Variants in ACTR3C observed in about 807,000 individuals in gnomAD.
The protein encoded by ACTR3C is actin-related protein 3C.
ACTR3C carries 18 observed loss-of-function variants against 26.3 expected under a neutral mutation model. The observed-to-expected ratio is 0.68, with a 90% confidence interval of 0.47 to 1.01. The LOEUF (loss-of-function observed/expected upper bound fraction) is 1.01. Among genes scored for constraint, ACTR3C ranks in the 50% least tolerant of loss-of-function variants. The pLI is 0.00. For synonymous variants in ACTR3C, 55 were observed against 94.5 expected (o/e 0.58, Z 2.42); for missense variants, 184 against 250.7 (o/e 0.73, Z 1.80).
chr7:150,208,469 A>G, the ACTR3C span, among the ~76,000 whole-genome samples: 238 of 152,168 alleles, frequency 1.6e-3, no homozygotes, highest in African/African-American at 5.3e-3. Flanking sequence ...CAGATAAGCC[A>G]CTCTCAAACA....
At chr7:150,021,012 G>C in the ACTR3C span, among the ~76,000 whole-genome samples, 1 of 151,938 alleles carries the variant, frequency 6.6e-6, no homozygotes, top group Non-Finnish European at 1.5e-5. Context: ...GTAGGGACAG[G>C]GTTTCACCGT....
the ACTR3C span, chr7:150,073,794 G>A: frequency 5.9e-5 from 9 of 151,892 alleles, no homozygotes; most frequent in Non-Finnish European, 5.9e-5. Flanking sequence ...GAATATTACC[G>A]AATTCATTAA....
At chr7:149,997,800 T>C in the ACTR3C span, among the ~76,000 whole-genome samples, 1 of 150,098 alleles carries the variant, frequency 6.7e-6, no homozygotes, top group African/African-American at 2.4e-5. Flanking sequence ...CAAATCCTGA[T>C]GTGATTGTTT....
chr7:150,263,252 G>A (rs1197747206), intron 6 of ACTR3C, among the ~76,000 whole-genome samples: 1 of 151,990 alleles, frequency 6.6e-6, no homozygotes, highest in Non-Finnish European at 1.5e-5. Context: ...GCGATCTGGG[G>A]CCAAGATGTT....
At chr7:150,036,497 T>C in the ACTR3C span, among the ~76,000 whole-genome samples, 1 of 145,718 alleles carries the variant, frequency 6.9e-6, no homozygotes, top group South Asian at 2.2e-4. Context: ...GAAGATTTTC[T>C]TGTAACTCAT....
the ACTR3C span, among the ~76,000 whole-genome samples, chr7:150,035,254 C>G: frequency 1.8e-4 from 13 of 73,888 alleles, no homozygotes; most frequent in East Asian, 1.2e-3. Context: ...GTGGGGGAAC[C>G]AGGGGCTGGC....
At chr7:150,265,563 A>T (rs1320206420) in intron 6 of ACTR3C, among the ~76,000 whole-genome samples, 1 of 152,074 alleles carries the variant, frequency 6.6e-6, no homozygotes, top group Admixed American at 6.5e-5. Flanking sequence ...GCATGGTGGC[A>T]CACACCTGTA....
chr7:149,926,382 T>C, the ACTR3C span, among the ~76,000 whole-genome samples: 1 of 152,162 alleles, frequency 6.6e-6, no homozygotes, highest in African/African-American at 2.4e-5. Flanking sequence ...GTTCCCACCA[T>C]TCCCTAAATG....
At chr7:150,240,279 A>G (rs890343196), downstream of ACTR3C, among the ~76,000 whole-genome samples, 3 of 152,204 alleles carry the variant, frequency 2.0e-5, no homozygotes, top group Admixed American at 1.3e-4. Context: ...CATCACTGCT[A>G]TCTTGTTCCC....
the ACTR3C span, among the ~76,000 whole-genome samples, chr7:150,011,003 G>A: frequency 6.9e-6 from 1 of 145,952 alleles, no homozygotes; most frequent in Non-Finnish European, 1.5e-5. Flanking sequence ...TCTATACCCT[G>A]CTCGGCATGC....
At chr7:149,907,477 C>CTCTCT in the ACTR3C span, among the ~76,000 whole-genome samples, 1 of 82,264 alleles carries the variant, frequency 1.2e-5, no homozygotes, top group Non-Finnish European at 2.3e-5. Context: ...CCTCTCTTCT[C>CTCTCT]TTCTCTCTCT....
chr7:150,317,628 T>C (rs1289313599), intron 1 of ACTR3C, among the ~76,000 whole-genome samples: 1 of 152,192 alleles, frequency 6.6e-6, no homozygotes, highest in Non-Finnish European at 1.5e-5. Context: ...GGTAATAGTA[T>C]ATGTGATTAT....
chr7:150,320,431 C>CTA (rs1797383974), intron 1 of ACTR3C, among the ~76,000 whole-genome samples: 1 of 152,164 alleles, frequency 6.6e-6, no homozygotes, highest in Admixed American at 6.6e-5. Context: ...TATGAGTGGA[C>CTA]TATTATCTTT....
chr7:150,276,238 T>TG (rs1834868666), intron 6 of ACTR3C, among the ~76,000 whole-genome samples: 1 of 152,090 alleles, frequency 6.6e-6, no homozygotes, highest in Non-Finnish European at 1.5e-5. Flanking sequence ...TTTTCATTCC[T>TG]GTAATACTAA....
the ACTR3C span, among the ~76,000 whole-genome samples, chr7:150,138,136 G>A: frequency 3.7e-3 from 562 of 152,308 alleles, 2 homozygotes; most frequent in Non-Finnish European, 6.2e-3. Context: ...CACGTAAGGG[G>A]CTGGGACCAA....
At chr7:150,208,124 T>C in the ACTR3C span, among the ~76,000 whole-genome samples, 9,130 of 151,486 alleles carry the variant, frequency 0.06, 885 homozygotes, top group African/African-American at 0.21. Flanking sequence ...ATGAGGAGAG[T>C]CCCATTTATC....
chr7:150,034,991 C>T, the ACTR3C span, among the ~76,000 whole-genome samples: 1 of 141,262 alleles, frequency 7.1e-6, no homozygotes, highest in Non-Finnish European at 1.5e-5. Flanking sequence ...GTGCCTCCCC[C>T]TCCTGTGATG....
chr7:150,242,045 G>A (rs972807484), downstream of ACTR3C, among the ~76,000 whole-genome samples: 2 of 152,060 alleles, frequency 1.3e-5, no homozygotes, highest in African/African-American at 2.4e-5. Flanking sequence ...GTGAAACCCA[G>A]TCTCTATTAA....
chr7:150,036,292 C>T, the ACTR3C span, among the ~76,000 whole-genome samples: 3 of 147,674 alleles, frequency 2.0e-5, no homozygotes, highest in Non-Finnish European at 4.6e-5. Flanking sequence ...ACTAGCAGGG[C>T]AGTTGCTGCC....
Sources: gnomAD v4.1 joint callset for allele counts (sites outside exome capture counted in the v4.1 genomes callset) on GRCh38, gnomAD v4.1.1 for gene constraint, MANE v1.5 for transcripts, NCBI Gene and HGNC (gene_info 2026-07-23, HGNC 2026-07-21) for gene names.